DPH5: variants seen among roughly 807,000 people sequenced by gnomAD.
The protein encoded by DPH5 is diphthine methyl ester synthase.
Under a neutral mutation model 31.6 loss-of-function variants are expected in DPH5, and 31 were observed. The ratio of observed to expected loss-of-function variants is 0.98; its 90% CI spans 0.74 to 1.32. DPH5 has a LOEUF of 1.32. Among genes scored for constraint, DPH5 ranks in the 40% most tolerant of loss-of-function variants. DPH5 has a pLI of 0.00. For synonymous variants in DPH5, 120 were observed against 115.0 expected (o/e 1.04, Z -0.28); for missense variants, 309 against 335.7 (o/e 0.92, Z 0.62).
At chr1:100,991,926 G>A (rs1231386459) in intron 7 of DPH5, among the ~76,000 whole-genome samples, 2 of 151,832 alleles carry the variant, frequency 1.3e-5, no homozygotes, top group Non-Finnish European at 2.9e-5. Context: ...GGGCAACATG[G>A]TGAAACCCTG....
At chr1:100,991,071 TC>T (rs1657646785) in intron 7 of DPH5, among the ~76,000 whole-genome samples, 1 of 152,236 alleles carries the variant, frequency 6.6e-6, no homozygotes, top group Non-Finnish European at 1.5e-5. Context: ...TGCCTTGCCA[TC>T]CAATTAGCTG....
intron 7 of DPH5, among the ~76,000 whole-genome samples, chr1:100,991,563 G>A (rs570405226): frequency 1.3e-5 from 2 of 152,158 alleles, no homozygotes; most frequent in African/African-American, 4.8e-5. Context: ...TGAGGCAGGC[G>A]GATCGCTTGA....
chr1:100,992,571 G>A (rs567768095), intron 7 of DPH5, 66 bp downstream of exon 7: 1 of 1,152,224 alleles, frequency 8.7e-7, no homozygotes, highest in East Asian at 2.4e-5. Context: ...GAGATATTAA[G>A]TCATATACAC....
At chr1:101,014,343 A>G (rs984799143) in intron 3 of DPH5, among the ~76,000 whole-genome samples, 6 of 152,248 alleles carry the variant, frequency 3.9e-5, no homozygotes, top group African/African-American at 1.4e-4. Context: ...AATAATGTGA[A>G]TATCAAAATA....
Position 100,992,753 on chromosome 1 carries a change from A to G in DPH5, c.531-13T>C. ...GATCTTCCTTCCCCTATAGGCAGAA[A>G]ACTAGATGCCACTGTTCTTAGCCAT... On this transcript the variant is annotated splice_polypyrimidine_tract_variant and intron_variant, in intron 6 of 7. Transcript: ENST00000370109. 6.3e-7 allele frequency: 1 copy of G among 1,575,038 alleles called. No individual in the cohort carries two copies. Among genetic ancestry groups the G allele is most frequent in the South Asian group, 1.1e-5 (1 of 89,888 alleles).
chr1:101,021,983 A>G (rs2101307924), intron 2 of DPH5, among the ~76,000 whole-genome samples: 1 of 152,316 alleles, frequency 6.6e-6, no homozygotes, highest in South Asian at 2.1e-4. Flanking sequence ...GGCTGTCTTA[A>G]TATCCCAAAG....
At chr1:101,016,070 T>G (rs1660053156) in intron 3 of DPH5, among the ~76,000 whole-genome samples, 1 of 152,152 alleles carries the variant, frequency 6.6e-6, no homozygotes, top group Admixed American at 6.5e-5. Flanking sequence ...TAAGAACTTT[T>G]CCAGCCAGGT....
chr1:100,996,236 T>A (rs2101158206), intron 5 of DPH5: 1 of 152,326 alleles, frequency 6.6e-6, no homozygotes, highest in Middle Eastern at 3.4e-3. Context: ...TCCTTTAAAT[T>A]ACGTTTCTAA....
intron 4 of DPH5, among the ~76,000 whole-genome samples, chr1:101,005,955 C>T (rs1053774836): frequency 5.9e-5 from 9 of 152,108 alleles, no homozygotes; most frequent in South Asian, 4.1e-4. Context: ...ATGCTGTTCT[C>T]GTGATAGTGA....
At chr1:101,015,424 G>A (rs748923230) in intron 3 of DPH5, among the ~76,000 whole-genome samples, 1 of 152,210 alleles carries the variant, frequency 6.6e-6, no homozygotes, top group East Asian at 1.9e-4. Flanking sequence ...GGTCTCAAGG[G>A]TGGGTTTAAA....
intron 2 of DPH5, chr1:101,023,067 C>A (rs1170260602): frequency 6.6e-6 from 1 of 152,206 alleles, no homozygotes; most frequent in African/African-American, 2.4e-5. Flanking sequence ...ATGGCACACG[C>A]CTGTAATCCC....
chr1:101,024,047 G>A (rs1302209233), intron 2 of DPH5, among the ~76,000 whole-genome samples: 2 of 151,628 alleles, frequency 1.3e-5, no homozygotes, highest in Non-Finnish European at 2.9e-5. Flanking sequence ...CCATCATTTC[G>A]AGCTTAGATA....
intron 4 of DPH5, among the ~76,000 whole-genome samples, chr1:101,007,771 GA>G (rs950981098): frequency 1.5e-4 from 22 of 146,720 alleles, no homozygotes; most frequent in Non-Finnish European, 2.7e-4. Flanking sequence ...AAAAAACAAA[GA>G]AAAGTGCTTT....
chr1:101,025,642 G>T, intron 1 of DPH5, 41 bp downstream of exon 1: 1 of 627,226 alleles, frequency 1.6e-6, no homozygotes, highest in Non-Finnish European at 2.7e-6. Flanking sequence ...AACCCTACCA[G>T]TTTTGCCTCT....
chr1:101,025,733 C>T lies in DPH5; in HGVS notation c.-74G>A. On this transcript the variant is annotated 5_prime_UTR_variant, in exon 1 of 8. Coordinates refer to ENST00000370109, the MANE Select transcript of DPH5 (RefSeq NM_015958.3). ...TCTGGCCTTTACAAATTCTTAACTA[C>T]CACCTTTCCGCAGAAGCAACTGCAA... 2.8e-6 allele frequency: 1 copy of T among 352,066 alleles called. No homozygotes were observed. The highest frequency in any genetic ancestry group is 4.5e-5 in the Admixed American group (1 of 22,284). The allele number at this position is 352,066 out of a possible 1,614,324, so 21.8% of individuals were successfully genotyped here.
intron 3 of DPH5, among the ~76,000 whole-genome samples, chr1:101,014,909 G>A (rs1371675607): frequency 6.6e-6 from 1 of 152,132 alleles, no homozygotes; most frequent in Non-Finnish European, 1.5e-5. Flanking sequence ...CTCTTCATCT[G>A]TTCAAGTTTT....
intron 6 of DPH5, among the ~76,000 whole-genome samples, chr1:100,994,414 ACTGC>A (rs1376255373): frequency 2.6e-5 from 4 of 152,146 alleles, no homozygotes; most frequent in Non-Finnish European, 5.9e-5. Context: ...TGTATTAGAC[ACTGC>A]CTCTCTAAGT....
chr1:101,007,743 A>G (rs1418655309), intron 4 of DPH5, among the ~76,000 whole-genome samples: 1 of 146,242 alleles, frequency 6.8e-6, no homozygotes, highest in African/African-American at 2.7e-5. Context: ...AACAGAAACA[A>G]AAACAAAAAC....
chr1:101,000,453 CAT>C (rs1235139559), intron 5 of DPH5, among the ~76,000 whole-genome samples: 1 of 152,128 alleles, frequency 6.6e-6, no homozygotes, highest in Non-Finnish European at 1.5e-5. Flanking sequence ...AAAAATCAAA[CAT>C]ATGTTTTAAA....
Sources: gnomAD v4.1 joint callset for allele counts (sites outside exome capture counted in the v4.1 genomes callset) on GRCh38, gnomAD v4.1.1 for gene constraint, MANE v1.5 for transcripts, NCBI Gene and HGNC (gene_info 2026-07-23, HGNC 2026-07-21) for gene names.